Variants in KIAA1549L observed in about 807,000 individuals in gnomAD.
KIAA1549L encodes UPF0606 protein KIAA1549L.
Under a neutral mutation model 160.7 loss-of-function variants are expected in KIAA1549L, and 88 were observed. The ratio of observed to expected loss-of-function variants is 0.55; its 90% CI spans 0.46 to 0.65. The LOEUF is 0.65. Ranked by LOEUF, KIAA1549L falls within the 30% of genes least tolerant of loss-of-function variation. The pLI is 0.00. For synonymous variants in KIAA1549L, 950 were observed against 976.7 expected (o/e 0.97, Z 0.51); for missense variants, 2,258 against 2,437.5 (o/e 0.93, Z 1.55).
At chr11:33,449,443 A>G (rs1851677824) in intron 1 of KIAA1549L, among the ~76,000 whole-genome samples, 1 of 152,150 alleles carries the variant, frequency 6.6e-6, no homozygotes, top group East Asian at 1.9e-4. Flanking sequence ...GAGACTATTG[A>G]GGTCATCTGA....
rs377212326 is a variant in KIAA1549L at position 33,559,926 on chromosome 11, G to A, written c.4018+15G>A. On this transcript the variant is annotated intron_variant, in intron 7 of 20. Transcript: ENST00000658780. The stretch of plus-strand genomic sequence containing the variant: ...CATTGCTGAACGTGAGTATGGCCAT[G>A]CCTATGGGGACCCCAGTGTTTCCCC... 5.6e-6 allele frequency: 9 copies of A among 1,610,088 alleles called. No homozygotes were observed. The African/African-American group carries it at 6.7e-5, about 12-fold the overall frequency.
chr11:33,420,701 A>G (rs1416990961), intron 1 of KIAA1549L, among the ~76,000 whole-genome samples: 1 of 152,234 alleles, frequency 6.6e-6, no homozygotes, highest in African/African-American at 2.4e-5. Flanking sequence ...CTGAATGGCC[A>G]TGGTTAATAA....
chr11:33,654,119 C>T (rs193210287), intron 17 of KIAA1549L, among the ~76,000 whole-genome samples: 42 of 151,418 alleles, frequency 2.8e-4, no homozygotes, highest in South Asian at 8.3e-4. Context: ...ATTACAGGTG[C>T]GTGCCACCAC....
In KIAA1549L at chr11:33,674,034, CAG is replaced by C; in HGVS notation, c.*5883_*5884del. ...GTACGTCCTTAGCCTCTGCCGGGAA[CAG>C]AGTGTTCATATGCTGTTAGAATTTT... On this transcript the variant is annotated 3_prime_UTR_variant, in exon 21 of 21. Coordinates refer to ENST00000658780, the MANE Select transcript of KIAA1549L (RefSeq NM_012194.3). 6.6e-6 allele frequency: 1 copy of C among 152,330 alleles called. No homozygotes were observed. Among genetic ancestry groups the C allele is most frequent in the South Asian group, 2.1e-4 (1 of 4,826 alleles). The allele number at this position is 152,330 out of a possible 1,614,324, so 9.4% of individuals were successfully genotyped here. A position where few individuals can be genotyped will look rare whatever the true frequency, so the allele number is the denominator to read the frequency against.
chr11:33,481,006 A>G (rs907576133), intron 1 of KIAA1549L, among the ~76,000 whole-genome samples: 3 of 152,090 alleles, frequency 2.0e-5, no homozygotes, highest in African/African-American at 4.8e-5. Flanking sequence ...GAATTTTACT[A>G]TTTGTACTTA....
In KIAA1549L at chr11:33,668,311, A is replaced by G; in HGVS notation, c.*157A>G. On this transcript the variant is annotated 3_prime_UTR_variant, in exon 21 of 21. Coordinates refer to ENST00000658780, the MANE Select transcript of KIAA1549L (RefSeq NM_012194.3). Reference sequence around the variant, plus strand: ...AACTATGGGGCTTCTGGGAACAGGAAACTCTTGAACGACTAGATTCTTGGC... The same window carrying G: ...AACTATGGGGCTTCTGGGAACAGGAGACTCTTGAACGACTAGATTCTTGGC... 2 of 698,340 alleles carry G rather than the reference A, an allele frequency of 2.9e-6. No individual in the cohort carries two copies. Among genetic ancestry groups the G allele is most frequent in the East Asian group, 2.7e-5 (1 of 36,644 alleles). The allele number at this position is 698,340 out of a possible 1,614,324, so 43.3% of individuals were successfully genotyped here. A position where few individuals can be genotyped will look rare whatever the true frequency, so the allele number is the denominator to read the frequency against.
intron 10 of KIAA1549L, among the ~76,000 whole-genome samples, chr11:33,575,947 A>T (rs551630921): frequency 2.6e-5 from 4 of 152,256 alleles, no homozygotes; most frequent in African/African-American, 7.2e-5. Context: ...GGAACTGCCC[A>T]TTTTTAGGAA....
intron 10 of KIAA1549L, among the ~76,000 whole-genome samples, chr11:33,576,273 T>G (rs1465155580): frequency 6.6e-6 from 1 of 152,218 alleles, no homozygotes; most frequent in Non-Finnish European, 1.5e-5. Flanking sequence ...AGTTGACTTT[T>G]GCTTCCAGGA....
intron 1 of KIAA1549L, among the ~76,000 whole-genome samples, chr11:33,406,373 C>A (rs1187402155): frequency 6.6e-6 from 1 of 152,172 alleles, no homozygotes; most frequent in Non-Finnish European, 1.5e-5. Flanking sequence ...TTATGCTTCA[C>A]ACGTGCACGG....
chr11:33,579,527 T>C (rs1855565534), intron 10 of KIAA1549L, among the ~76,000 whole-genome samples: 1 of 151,954 alleles, frequency 6.6e-6, no homozygotes. Context: ...TGTAGTCCTC[T>C]GGCCTCACGG....
chr11:33,630,523 G>T (rs1851253334), intron 16 of KIAA1549L, among the ~76,000 whole-genome samples: 1 of 152,248 alleles, frequency 6.6e-6, no homozygotes, highest in South Asian at 2.1e-4. Context: ...GCAGTATTCG[G>T]GTGGGAGTGA....
chr11:33,670,863 G>A lies in KIAA1549L; in HGVS notation c.*2709G>A, dbSNP rs1188401864. 1.3e-5 allele frequency: 2 copies of A among 152,294 alleles called. No individual in the cohort carries two copies. Among genetic ancestry groups the A allele is most frequent in the Non-Finnish European group, 2.9e-5 (2 of 68,080 alleles). The allele number at this position is 152,294 out of a possible 1,614,324, so 9.4% of individuals were successfully genotyped here. A position where few individuals can be genotyped will look rare whatever the true frequency, so the allele number is the denominator to read the frequency against. On this transcript the variant is annotated 3_prime_UTR_variant, in exon 21 of 21. Coordinates refer to ENST00000658780, the MANE Select transcript of KIAA1549L (RefSeq NM_012194.3). ...TTGGAGGAGGAAGCAGAAGTACCAC[G>A]AAGTGGAGTGACTGGCCCAGTGATT...
chr11:33,561,365 T>C (rs181296046), intron 7 of KIAA1549L, among the ~76,000 whole-genome samples: 29 of 152,318 alleles, frequency 1.9e-4, no homozygotes, highest in African/African-American at 7.0e-4. Context: ...AGTCTTTTAG[T>C]TTTCTGAACA....
At chr11:33,659,512 T>C (rs1380915135) in intron 19 of KIAA1549L, among the ~76,000 whole-genome samples, 1 of 152,230 alleles carries the variant, frequency 6.6e-6, no homozygotes, top group Non-Finnish European at 1.5e-5. Flanking sequence ...AATGGTAGTT[T>C]CCAGTTTTTT....
intron 16 of KIAA1549L, among the ~76,000 whole-genome samples, chr11:33,630,822 A>T (rs1851265571): frequency 6.6e-6 from 1 of 152,164 alleles, no homozygotes; most frequent in Non-Finnish European, 1.5e-5. Flanking sequence ...AGAGATTTTC[A>T]AGGGCTTTTC....
chr11:33,383,107 C>A lies in KIAA1549L; in HGVS notation c.238+6218C>A, dbSNP rs1266409997. On this transcript the variant is annotated intron_variant, in intron 1 of 20. Transcript: ENST00000658780. Reference sequence around the variant, plus strand: ...GTCAAACTGACCACCACCATGGAAACTTCAGGATCCTGAAATTCTGATGAC... The same window carrying A: ...GTCAAACTGACCACCACCATGGAAAATTCAGGATCCTGAAATTCTGATGAC... Among the ~76,000 whole-genome samples the A allele has an allele frequency of 3.3e-5, 5 of 152,138 alleles. No homozygotes were observed. In the South Asian group the frequency reaches 1.0e-3, roughly 32 times the overall value.
chr11:33,532,250 G>A (rs889654153), intron 1 of KIAA1549L, among the ~76,000 whole-genome samples: 4 of 152,178 alleles, frequency 2.6e-5, no homozygotes, highest in African/African-American at 9.7e-5. Context: ...AAAATATCCT[G>A]CCAACTATGA....
At chr11:33,381,899 A>C (rs528245240) in intron 1 of KIAA1549L, among the ~76,000 whole-genome samples, 2 of 152,330 alleles carry the variant, frequency 1.3e-5, no homozygotes, top group African/African-American at 4.8e-5. Flanking sequence ...TCTTTGGCTC[A>C]AGCAACTGGG....
intron 9 of KIAA1549L, among the ~76,000 whole-genome samples, chr11:33,570,269 T>C (rs1340894472): frequency 2.0e-5 from 3 of 152,182 alleles, no homozygotes; most frequent in Admixed American, 6.5e-5. Context: ...CCCAAAGTGC[T>C]GGGATTACAG....
Sources: gnomAD v4.1 joint callset for allele counts (sites outside exome capture counted in the v4.1 genomes callset) on GRCh38, gnomAD v4.1.1 for gene constraint, MANE v1.5 for transcripts, NCBI Gene and HGNC (gene_info 2026-07-23, HGNC 2026-07-21) for gene names.